The following SRGAP3 variants were observed in gnomAD, a reference collection of about 807,000 sequenced individuals.
SRGAP3 encodes SLIT-ROBO Rho GTPase activating protein 3.
SRGAP3 carries 39 observed loss-of-function variants against 121.1 expected under a neutral mutation model. The observed-to-expected ratio is 0.32, with a 90% CI of 0.25 to 0.42. The LOEUF (loss-of-function observed/expected upper bound fraction) is 0.42, where lower values mean the gene tolerates loss of function less well. Ranked by LOEUF, SRGAP3 falls within the 10% of genes least tolerant of loss-of-function variation. The pLI, the probability that SRGAP3 is intolerant of heterozygous loss-of-function variation, is 1.00. For missense variants in SRGAP3, 1,213 were observed against 1,470.6 expected, an observed-to-expected ratio of 0.82 and a Z score of 2.86; for synonymous variants, 601 against 570.0, an observed-to-expected ratio of 1.05 and a Z score of -0.77.
chr3:9,274,932 A>G (rs1954543520), intron 3 of SRGAP3, among the ~76,000 whole-genome samples: 1 of 151,214 alleles, frequency 6.6e-6, no homozygotes, highest in African/African-American at 2.4e-5. Flanking sequence ...TTTTATGGGC[A>G]CAGGATGGAG....
At chr3:9,243,967 G>A (rs1267270728) in intron 1 of SRGAP3, among the ~76,000 whole-genome samples, 1 of 152,176 alleles carries the variant, frequency 6.6e-6, no homozygotes, top group Non-Finnish European at 1.5e-5. Context: ...TCACATTCCT[G>A]CCTAGGAAGA....
At chr3:9,155,521 G>C (rs192236736) in intron 1 of SRGAP3, among the ~76,000 whole-genome samples, 14 of 152,056 alleles carry the variant, frequency 9.2e-5, no homozygotes, top group Admixed American at 8.5e-4. Flanking sequence ...AACTCTGCTT[G>C]GCATATACTG....
intron 2 of SRGAP3, among the ~76,000 whole-genome samples, chr3:9,123,401 CACATACAT>C (rs60204401): frequency 0.11 from 504 of 4,686 alleles, 1 homozygote; most frequent in South Asian, 0.29. Context: ...ATACACAATA[CACATACAT>C]ACACATACAT....
Position 9,360,990 on chromosome 3 carries a change from C to T in SRGAP3, n.214+1850G>A, listed in dbSNP as rs540019368. Among the ~76,000 whole-genome samples the T allele has an allele frequency of 7.9e-5, 12 of 152,162 alleles. No individual in the cohort carries two copies. The South Asian group carries it at 2.5e-3, about 32-fold the overall frequency. On this transcript the variant is annotated intron_variant and non_coding_transcript_variant, in intron 1 of 3. Transcript: ENST00000490889. ...ACTTTTAGTCATTTTGATGAGTATC[C>T]CATTGTGATTAATTTGCAATTCCCT...
At chr3:9,049,311 T>A in intron 9 of SRGAP3, 4 of 436,772 alleles carry the variant, frequency 9.2e-6, no homozygotes, top group South Asian at 6.5e-5. Flanking sequence ...TGGTGTCCTC[T>A]CTCCTTTTCC....
rs180832925 is a variant in SRGAP3 at position 9,238,330 on chromosome 3, A to T, written c.67+10555T>A. ...CCCCTTGGTCCCTCCTCAGTCAGGG[A>T]GGGCATTCTGTGTTCATTGCCTCAG... is the stretch of plus-strand genomic sequence containing the variant. On this transcript the variant is annotated intron_variant, in intron 1 of 21. Transcript: ENST00000383836. Among the ~76,000 whole-genome samples the T allele has an allele frequency of 2.3e-3, 356 of 152,286 alleles. 1 individual carries two copies. Among genetic ancestry groups the T allele is most frequent in the Non-Finnish European group, 3.9e-3 (263 of 68,010 alleles).
chr3:9,130,129 TC>T (rs1949389608), intron 1 of SRGAP3, among the ~76,000 whole-genome samples: 1 of 151,816 alleles, frequency 6.6e-6, no homozygotes, highest in African/African-American at 2.4e-5. Context: ...AAGCCTCAGC[TC>T]ACACACACAC....
intron 1 of SRGAP3, among the ~76,000 whole-genome samples, chr3:9,153,245 C>T (rs1184730746): frequency 1.1e-4 from 16 of 152,158 alleles, no homozygotes; most frequent in Non-Finnish European, 1.6e-4. Context: ...TACTACAGTG[C>T]TTTGCAAATA....
chr3:9,225,262 G>T (rs559218434), intron 1 of SRGAP3, among the ~76,000 whole-genome samples: 3 of 152,128 alleles, frequency 2.0e-5, no homozygotes, highest in Non-Finnish European at 4.4e-5. Context: ...CCACTTCCAG[G>T]AAATCCATCT....
At chr3:9,303,391 C>G (rs868814212) in intron 3 of SRGAP3, among the ~76,000 whole-genome samples, 1 of 150,798 alleles carries the variant, frequency 6.6e-6, no homozygotes, top group Non-Finnish European at 1.5e-5. Context: ...CACCACTGCA[C>G]TCCAGCCTGG....
At chr3:9,087,402 G>T (rs1449617953) in intron 3 of SRGAP3, among the ~76,000 whole-genome samples, 2 of 151,848 alleles carry the variant, frequency 1.3e-5, no homozygotes, top group East Asian at 3.9e-4. Context: ...AAATTTTTTA[G>T]TAACTTTTCC....
intron 3 of SRGAP3, among the ~76,000 whole-genome samples, chr3:9,087,114 A>ATG (rs1453678016): frequency 3.3e-5 from 5 of 152,142 alleles, no homozygotes; most frequent in South Asian, 2.1e-4. Flanking sequence ...ATATATTTAT[A>ATG]TGTGTGTGTG....
intron 3 of SRGAP3, among the ~76,000 whole-genome samples, chr3:9,090,966 T>C (rs969739101): frequency 2.0e-5 from 3 of 152,078 alleles, no homozygotes; most frequent in Non-Finnish European, 4.4e-5. Context: ...AGGGCGTGTG[T>C]CTATCTCCCT....
intron 3 of SRGAP3, among the ~76,000 whole-genome samples, chr3:9,286,608 T>C (rs1954777039): frequency 6.6e-6 from 1 of 152,154 alleles, no homozygotes; most frequent in Non-Finnish European, 1.5e-5. Context: ...TCGTTGTTGT[T>C]GTTGTTGTTT....
At chr3:9,204,824 G>A (rs1001014834) in intron 1 of SRGAP3, among the ~76,000 whole-genome samples, 2 of 152,250 alleles carry the variant, frequency 1.3e-5, no homozygotes, top group African/African-American at 4.8e-5. Flanking sequence ...TGTCGCTGGG[G>A]AGCACGGAGC....
At chr3:9,183,075 T>TC (rs1327779968) in intron 1 of SRGAP3, among the ~76,000 whole-genome samples, 1 of 152,132 alleles carries the variant, frequency 6.6e-6, no homozygotes, top group East Asian at 1.9e-4. Flanking sequence ...TGACTATCAG[T>TC]CCCCGATGCT....
chr3:9,313,595 TG>T (rs1378924650), intron 3 of SRGAP3, among the ~76,000 whole-genome samples: 8 of 151,806 alleles, frequency 5.3e-5, no homozygotes, highest in Non-Finnish European at 8.8e-5. Flanking sequence ...GAGAATTGCT[TG>T]AACCTGGGAG....
chr3:9,014,125 G>A (rs1943514977), intron 15 of SRGAP3: 2 of 479,990 alleles, frequency 4.2e-6, no homozygotes, highest in East Asian at 8.1e-5. Flanking sequence ...GACCTGGGTA[G>A]AGGGAAGCCT....
At position 9,037,728 on chromosome 3, in the gene SRGAP3, C is replaced by T. The variant is rs1363264026; in HGVS notation, c.1436+335G>A. 3 of 411,416 alleles carry T rather than the reference C, an allele frequency of 7.3e-6. No homozygotes were observed. In the East Asian group the frequency reaches 1.4e-4, roughly 19 times the overall value. 25.5% of individuals were successfully genotyped at this position (411,416 alleles called of 1,614,324 possible). A position where few individuals can be genotyped will look rare whatever the true frequency, so the allele number is the denominator to read the frequency against. On this transcript the variant is annotated intron_variant, in intron 11 of 21. Coordinates refer to ENST00000383836, the MANE Select transcript of SRGAP3 (RefSeq NM_014850.4). ...GGAAGAGAGGTCAACAGCCACCCCA[C>T]AGCCTCTGGCCCCTACAGGCTGCCC... is the stretch of plus-strand genomic sequence containing the variant.
Sources: gnomAD v4.1 joint callset for allele counts (sites outside exome capture counted in the v4.1 genomes callset) on GRCh38, gnomAD v4.1.1 for gene constraint, MANE v1.5 for transcripts, NCBI Gene and HGNC (gene_info 2026-07-23, HGNC 2026-07-21) for gene names.